Variants in FBN3 observed in about 807,000 individuals in gnomAD.
FBN3 encodes fibrillin 3.
In FBN3, 234 loss-of-function variants were observed where a neutral mutation model predicts 330.1. The observed-to-expected ratio is 0.71, with a 90% CI of 0.64 to 0.79. The LOEUF is 0.79. Ranked by LOEUF, FBN3 falls within the 30% of genes least tolerant of loss-of-function variation. The pLI, the probability that FBN3 is intolerant of heterozygous loss-of-function variation, is 0.00. For synonymous variants in FBN3, 1,458 were observed against 1,517.3 expected (o/e 0.96, Z 0.91); for missense variants, 3,606 against 3,886.9 (o/e 0.93, Z 1.92).
chr19:8,147,987 G>A (rs1006458925), intron 1 of FBN3, among the ~76,000 whole-genome samples: 12 of 152,054 alleles, frequency 7.9e-5, no homozygotes, highest in African/African-American at 2.9e-4. Flanking sequence ...AGAGAGAGGA[G>A]AGGAATGGGA....
At chr19:8,116,859 A>G (rs760484938) in intron 28 of FBN3, 60 bp from the exon 29 acceptor site, 192 of 1,572,056 alleles carry the variant, frequency 1.2e-4, no homozygotes, top group Non-Finnish European at 1.6e-4. Flanking sequence ...CCCAGTACAC[A>G]TCTGCTCCCC....
intron 51 of FBN3, among the ~76,000 whole-genome samples, chr19:8,088,415 A>C (rs1257190536): frequency 8.5e-6 from 1 of 117,498 alleles, no homozygotes; most frequent in African/African-American, 3.5e-5. Flanking sequence ...AATGAGCAAG[A>C]AGTGAATGAA....
intron 26 of FBN3, among the ~76,000 whole-genome samples, chr19:8,118,186 AAC>A (rs998969145): frequency 5.9e-5 from 9 of 151,834 alleles, no homozygotes; most frequent in African/African-American, 2.2e-4. Flanking sequence ...GACCCACTCA[AAC>A]ACATTCTCAC....
intron 56 of FBN3, 47 bp downstream of exon 56, chr19:8,085,316 C>A (rs374081357): frequency 1.0e-5 from 15 of 1,505,642 alleles, no homozygotes; most frequent in Admixed American, 6.5e-5. Flanking sequence ...TGAGCAAACT[C>A]CCCCGTTTCT....
At chr19:8,093,395 G>A (rs1225138997) in intron 47 of FBN3, among the ~76,000 whole-genome samples, 4 of 152,050 alleles carry the variant, frequency 2.6e-5, no homozygotes, top group Non-Finnish European at 4.4e-5. Flanking sequence ...AGGCCAAGGC[G>A]GGCAGATCAC....
chr19:8,128,604 A>G (rs1231044941), intron 18 of FBN3, among the ~76,000 whole-genome samples: 2 of 151,784 alleles, frequency 1.3e-5, no homozygotes. Flanking sequence ...AAATGTGAGT[A>G]TATATGTGTC....
chr19:8,116,919 G>A (rs1036804713), intron 28 of FBN3, 120 bp from the exon 29 acceptor site: 1 of 1,302,226 alleles, frequency 7.7e-7, no homozygotes, highest in African/African-American at 1.5e-5. Context: ...GGTCACTCGA[G>A]TAGTCTGGGG....
chr19:8,143,492 C>CTT (rs1472260736), intron 6 of FBN3, among the ~76,000 whole-genome samples: 23 of 122,838 alleles, frequency 1.9e-4, no homozygotes, highest in African/African-American at 7.8e-4. Context: ...TTTTTCTTTT[C>CTT]TTTTCTTTTT....
In FBN3 at chr19:8,096,869, G is replaced by T; in HGVS notation, c.5413+12C>A. On this transcript the variant is annotated intron_variant, in intron 43 of 63. Transcript: ENST00000600128. This position sits in a 1 kb window ranked among gnomAD's most constrained non-coding sequence, Gnocchi z 4.6. ...CCCAGCTCCCTCACCTCCTCCCAGGGACCCTGCTCACCCACACAAGCCCCG... is the reference window on the plus strand; with the variant it reads ...CCCAGCTCCCTCACCTCCTCCCAGGTACCCTGCTCACCCACACAAGCCCCG... 1 of 1,611,800 alleles carries T rather than the reference G, an allele frequency of 6.2e-7. No homozygotes were observed. The highest frequency in any genetic ancestry group is 1.1e-5 in the South Asian group (1 of 91,042).
At chr19:8,116,931 C>T (rs1599380397) in intron 28 of FBN3, 132 bp from the exon 29 acceptor site, 10 of 1,230,770 alleles carry the variant, frequency 8.1e-6, no homozygotes, top group South Asian at 4.5e-5. Flanking sequence ...AGTCTGGGGG[C>T]GCTCAAGCAG....
intron 59 of FBN3, among the ~76,000 whole-genome samples, chr19:8,078,793 T>TCTC (rs1555725598): frequency 1.7e-5 from 1 of 59,916 alleles, no homozygotes; most frequent in African/African-American, 1.1e-4. Context: ...CTCTCTCTCT[T>TCTC]TTTTTTTTTT....
intron 59 of FBN3, among the ~76,000 whole-genome samples, chr19:8,077,855 T>C (rs1353931224): frequency 3.9e-5 from 6 of 152,032 alleles, no homozygotes; most frequent in Non-Finnish European, 1.5e-5. Flanking sequence ...GATGGGCAGA[T>C]TGCTTGAGCC....
chr19:8,089,969 G>C lies in FBN3; in HGVS notation c.6185-10C>G. ...AGCTCCTGAAAGGCAGCTGGACGGA[G>C]AGGGGGAGGGGAGTCAGAGTCAGGG... On this transcript the variant is annotated splice_polypyrimidine_tract_variant and intron_variant, in intron 49 of 63. Coordinates refer to ENST00000600128, the MANE Select transcript of FBN3 (RefSeq NM_032447.5). 1.9e-6 allele frequency: 3 copies of C among 1,609,092 alleles called. No homozygotes were observed. In the South Asian group the frequency reaches 3.3e-5, roughly 18 times the overall value.
intron 47 of FBN3, among the ~76,000 whole-genome samples, chr19:8,092,582 G>A (rs2082119379): frequency 6.6e-6 from 1 of 151,672 alleles, no homozygotes; most frequent in East Asian, 2.0e-4. Context: ...GCATTGTGGC[G>A]GGGCGCACCT....
At chr19:8,099,276 ATTTTTT>A (rs386388494) in intron 41 of FBN3, among the ~76,000 whole-genome samples, 46 of 98,886 alleles carry the variant, frequency 4.7e-4, no homozygotes, top group South Asian at 1.8e-3. Flanking sequence ...TCATGGTTTG[ATTTTTT>A]TTTTTTTTTT....
rs755179609 is a variant in FBN3, at chr19:8,106,160, C to T, written c.4761G>A (p.Gln1587=). The T allele has an allele frequency of 2.5e-6, 4 of 1,614,076 alleles. No homozygotes were observed. The East Asian group carries it at 8.9e-5, about 36-fold the overall frequency. The change falls in exon 38 of 64, where the codon CAG becomes CAA. Residue 1587 remains glutamine, a synonymous_variant. Transcript: ENST00000600128. ...GGTGGTAGCCAGGTGGGCACTCACA[C>T]TGGAAACTGCCAAACGTGTTGACGC... ...GDCVNTFGSF[Q]CECPPGYHLS... is the part of the protein sequence containing the mutation.
At chr19:8,094,593 G>C (rs552121401) in intron 46 of FBN3, 28 bp from the exon 47 acceptor site, 65 of 1,603,500 alleles carry the variant, frequency 4.1e-5, no homozygotes, top group Non-Finnish European at 5.5e-5. Context: ...AAAGGTCCTT[G>C]TGCCAGCCAG....
At chr19:8,137,375 C>T (rs2083313377) in intron 10 of FBN3, among the ~76,000 whole-genome samples, 1 of 151,622 alleles carries the variant, frequency 6.6e-6, no homozygotes, top group African/African-American at 2.4e-5. Context: ...GAGCCTAGAT[C>T]CCTCCAACCT....
intron 3 of FBN3, 39 bp from the exon 4 acceptor site, chr19:8,146,264 G>C: frequency 1.3e-6 from 2 of 1,531,458 alleles, no homozygotes; most frequent in Non-Finnish European, 1.8e-6. Flanking sequence ...GACCAGGACC[G>C]AGCCTGGGCC....
Sources: gnomAD v4.1 joint callset for allele counts (sites outside exome capture counted in the v4.1 genomes callset) on GRCh38, gnomAD v4.1.1 for gene constraint, Gnocchi (gnomAD v3.1) non-coding constraint, MANE v1.5 for transcripts, NCBI Gene and HGNC (gene_info 2026-07-23, HGNC 2026-07-21) for gene names.